STK32C: variants seen among roughly 807,000 people sequenced by gnomAD.
The protein encoded by STK32C is serine/threonine kinase 32C.
In STK32C, 31 loss-of-function variants were observed where a neutral mutation model predicts 56.5. The ratio of observed to expected loss-of-function variants is 0.55; its 90% CI spans 0.41 to 0.74. The LOEUF (loss-of-function observed/expected upper bound fraction) is 0.74. STK32C is among the 30% of genes least tolerant of loss of function. The pLI, the probability that STK32C is intolerant of heterozygous loss-of-function variation, is 0.00. For missense variants in STK32C, 544 were observed against 676.9 expected (o/e 0.80, Z 2.18); for synonymous variants, 309 against 289.4 (o/e 1.07, Z -0.69).
At chr10:132,297,185 A>C (rs543242349) in intron 1 of STK32C, among the ~76,000 whole-genome samples, 1 of 152,120 alleles carries the variant, frequency 6.6e-6, no homozygotes, top group Non-Finnish European at 1.5e-5. Flanking sequence ...CCAGGACCCA[A>C]TGACAGAGGA....
chr10:132,252,289 G>A (rs1181504012), intron 1 of STK32C, among the ~76,000 whole-genome samples: 3 of 152,258 alleles, frequency 2.0e-5, no homozygotes, highest in Non-Finnish European at 4.4e-5. Context: ...TGTGGCACCA[G>A]GTGCCAGGGA....
At chr10:132,253,685 G>A (rs1162333814) in intron 1 of STK32C, among the ~76,000 whole-genome samples, 1 of 151,932 alleles carries the variant, frequency 6.6e-6, no homozygotes, top group Non-Finnish European at 1.5e-5. Flanking sequence ...AGCCTGCGGA[G>A]CTGAGGGAGC....
upstream of STK32C, among the ~76,000 whole-genome samples, chr10:132,308,316 G>T (rs1026468499): frequency 1.3e-5 from 2 of 152,122 alleles, no homozygotes; most frequent in East Asian, 1.9e-4. Context: ...TCCCTGGCAC[G>T]GGGACTGCTG....
intron 1 of STK32C, among the ~76,000 whole-genome samples, chr10:132,301,977 C>T (rs1336188153): frequency 6.6e-6 from 1 of 152,248 alleles, no homozygotes; most frequent in Non-Finnish European, 1.5e-5. Flanking sequence ...CGCGGGCCAG[C>T]AGCGCTGGCA....
intron 1 of STK32C, among the ~76,000 whole-genome samples, chr10:132,262,445 A>C (rs2138075738): frequency 1.3e-5 from 2 of 152,346 alleles, no homozygotes; most frequent in Middle Eastern, 6.8e-3. Flanking sequence ...GTGGAACCTA[A>C]TTAAGCTAAA....
At chr10:132,245,790 T>G in intron 2 of STK32C, 110 bp downstream of exon 2, 1 of 1,111,738 alleles carries the variant, frequency 9.0e-7, no homozygotes, top group South Asian at 1.3e-5. Flanking sequence ...CAGGTAAGGC[T>G]GCTTCTCCCA....
intron 1 of STK32C, among the ~76,000 whole-genome samples, chr10:132,264,566 GCCAGGACCCCT>G (rs2064430651): frequency 6.6e-6 from 1 of 152,216 alleles, no homozygotes; most frequent in Non-Finnish European, 1.5e-5. Context: ...AGGGACCCGG[GCCAGGACCCCT>G]CCAGGACCCT....
At chr10:132,256,031 C>T (rs1305395195) in intron 1 of STK32C, among the ~76,000 whole-genome samples, 1 of 152,240 alleles carries the variant, frequency 6.6e-6, no homozygotes, top group African/African-American at 2.4e-5. Flanking sequence ...GGGCTCTGTC[C>T]TCAGCTGGCA....
chr10:132,210,751 T>G (rs919700850), intron 10 of STK32C, among the ~76,000 whole-genome samples: 1 of 152,192 alleles, frequency 6.6e-6, no homozygotes, highest in African/African-American at 2.4e-5. Context: ...GAAGGAAGCA[T>G]AGGGCTCAAC....
In STK32C at chr10:132,259,430, C is replaced by T. The variant is rs148777969; in HGVS notation, c.263-13475G>A. 3.3e-5 allele frequency among the ~76,000 whole-genome samples: 5 copies of T among 152,014 alleles called. No homozygotes were observed. The East Asian group carries it at 9.7e-4, about 29-fold the overall frequency. On this transcript the variant is annotated intron_variant, in intron 1 of 11. Coordinates refer to ENST00000298630, the MANE Select transcript of STK32C (RefSeq NM_173575.4). ...GGGCGGAGATCCCCCTTGCTGTTCT[C>T]GTGATAGTGAGTTCTCACGAGATCA...
downstream of STK32C, among the ~76,000 whole-genome samples, chr10:132,320,293 G>C (rs576441945): frequency 6.6e-6 from 1 of 152,176 alleles, no homozygotes; most frequent in East Asian, 1.9e-4. Context: ...AGAGTGGTGA[G>C]GGCAGACTGT....
At chr10:132,331,713 G>A (rs747049104) in exon 1 of STK32C, 26 of 1,612,504 alleles carry the variant, frequency 1.6e-5, no homozygotes, top group Non-Finnish European at 2.0e-5. Flanking sequence ...CGGGCCCTCC[G>A]GCTCCCCAGA....
At chr10:132,247,204 G>T (rs1405175987) in intron 1 of STK32C, among the ~76,000 whole-genome samples, 1 of 152,230 alleles carries the variant, frequency 6.6e-6, no homozygotes, top group Non-Finnish European at 1.5e-5. Flanking sequence ...GCGGTACCCT[G>T]TGCCGTCTGG....
chr10:132,242,390 G>C (rs1009045257), intron 2 of STK32C, among the ~76,000 whole-genome samples: 4 of 152,150 alleles, frequency 2.6e-5, no homozygotes, highest in Non-Finnish European at 5.9e-5. Flanking sequence ...GTTGTTGACT[G>C]TTTGGAGCAG....
At chr10:132,208,292 G>A in intron 11 of STK32C, 141 bp from the exon 12 acceptor site, 4 of 1,067,770 alleles carry the variant, frequency 3.7e-6, no homozygotes, top group Non-Finnish European at 4.8e-6. Context: ...CTGCTGGAGA[G>A]GCCATGCTCC....
chr10:132,248,517 G>A lies in STK32C; in HGVS notation c.263-2562C>T, dbSNP rs554797930. Among the ~76,000 whole-genome samples the A allele has an allele frequency of 6.0e-4, 92 of 152,356 alleles. 1 individual carries two copies. Among genetic ancestry groups the A allele is most frequent in the Middle Eastern group, 6.8e-3 (2 of 294 alleles). On this transcript the variant is annotated intron_variant, in intron 1 of 11. Transcript: ENST00000298630. Reference sequence around the variant, plus strand: ...AGGCTCCACCCAGGCCCAGGTTGCCGCTGCCCAGAGACCCCTGTGCTCCTT... The same window carrying A: ...AGGCTCCACCCAGGCCCAGGTTGCCACTGCCCAGAGACCCCTGTGCTCCTT...
chr10:132,234,011 GC>G (rs1289560394), intron 2 of STK32C, among the ~76,000 whole-genome samples: 2 of 152,230 alleles, frequency 1.3e-5, no homozygotes, highest in Non-Finnish European at 2.9e-5. Flanking sequence ...GTGCTTGCAT[GC>G]AAGCGATCGT....
At chr10:132,322,445 A>G (rs1367697436), downstream of STK32C, among the ~76,000 whole-genome samples, 1 of 152,130 alleles carries the variant, frequency 6.6e-6, no homozygotes, top group Non-Finnish European at 1.5e-5. Flanking sequence ...ATTTACCAAT[A>G]TTTATTTTTA....
At chr10:132,222,551 T>C (rs2062716451) in intron 10 of STK32C, 90 bp downstream of exon 10, 1 of 1,511,786 alleles carries the variant, frequency 6.6e-7, no homozygotes, top group Non-Finnish European at 8.9e-7. Context: ...ACGTGTGCGC[T>C]GCCAGGGGTC....
Sources: gnomAD v4.1 joint callset for allele counts (sites outside exome capture counted in the v4.1 genomes callset) on GRCh38, gnomAD v4.1.1 for gene constraint, MANE v1.5 for transcripts, NCBI Gene and HGNC (gene_info 2026-07-23, HGNC 2026-07-21) for gene names.